RBFOX1: variants seen among roughly 807,000 people sequenced by gnomAD.
The protein encoded by RBFOX1 is RNA binding protein fox-1 homolog 1.
In RBFOX1, 8 loss-of-function variants were observed where a neutral mutation model predicts 57.7. That is an observed-to-expected ratio of 0.14 (90% CI 0.08 to 0.25). The LOEUF (loss-of-function observed/expected upper bound fraction) is 0.25, where lower values mean the gene tolerates loss of function less well. Ranked by LOEUF, RBFOX1 falls within the 10% of genes least tolerant of loss-of-function variation. The pLI, the probability that RBFOX1 is intolerant of heterozygous loss-of-function variation, is 1.00. For missense variants in RBFOX1, 611 were observed against 548.5 expected, an observed-to-expected ratio of 1.11 and a Z score of -1.14; for synonymous variants, 326 against 222.4, an observed-to-expected ratio of 1.47 and a Z score of -4.15.
At chr16:5,244,789 C>A (rs1567229550) in intron 1 of RBFOX1, among the ~76,000 whole-genome samples, 1 of 152,210 alleles carries the variant, frequency 6.6e-6, no homozygotes, top group Non-Finnish European at 1.5e-5. Flanking sequence ...GTGGACGGTC[C>A]TTTGAGAAGG....
chr16:5,947,876 C>T lies in RBFOX1; in HGVS notation c.351+80541C>T, dbSNP rs768705889. On this transcript the variant is annotated intron_variant, in intron 4 of 19. Coordinates refer to the RBFOX1 transcript ENST00000641259. The surrounding 1 kb of genome is among the most constrained non-coding windows in gnomAD (Gnocchi z 7.2). ...GTTGTAATTACCGGGCCACCCGTAA[C>T]GGGAGTTTATGTAATTATTAGTTTG... 1.1e-4 allele frequency among the ~76,000 whole-genome samples: 17 copies of T among 152,150 alleles called. No individual in the cohort carries two copies. The highest frequency in any genetic ancestry group is 2.2e-4 in the Non-Finnish European group (15 of 68,040).
At chr16:5,482,478 G>T (rs928693993) in intron 2 of RBFOX1, among the ~76,000 whole-genome samples, 1 of 152,208 alleles carries the variant, frequency 6.6e-6, no homozygotes, top group Non-Finnish European at 1.5e-5. Flanking sequence ...GACAGCCAGG[G>T]CTGCCTGGTG....
intron 4 of RBFOX1, among the ~76,000 whole-genome samples, chr16:7,258,899 T>G (rs1479470660): frequency 6.6e-6 from 1 of 152,202 alleles, no homozygotes; most frequent in African/African-American, 2.4e-5. Context: ...AAGTTTGCAG[T>G]GGTCCTCTGG....
At chr16:7,635,693 T>G (rs1459682402) in intron 11 of RBFOX1, among the ~76,000 whole-genome samples, 2 of 152,246 alleles carry the variant, frequency 1.3e-5, no homozygotes, top group South Asian at 4.1e-4. Flanking sequence ...CGTCTCCCTT[T>G]AAGCCTTTTA....
chr16:5,314,222 C>T (rs545478359), intron 1 of RBFOX1, among the ~76,000 whole-genome samples: 1 of 152,190 alleles, frequency 6.6e-6, no homozygotes, highest in Non-Finnish European at 1.5e-5. Context: ...GGAGTCTAAG[C>T]TTAGGCAACC....
At chr16:5,792,772 G>A (rs1169662852) in intron 3 of RBFOX1, among the ~76,000 whole-genome samples, 4 of 152,214 alleles carry the variant, frequency 2.6e-5, no homozygotes, top group Non-Finnish European at 5.9e-5. Context: ...GCACCCTGGA[G>A]GTGGAGGTTG....
At chr16:6,094,169 G>T (rs1257745401) in intron 1 of RBFOX1, among the ~76,000 whole-genome samples, 2 of 152,156 alleles carry the variant, frequency 1.3e-5, no homozygotes, top group African/African-American at 4.8e-5. Flanking sequence ...GGACTCATCT[G>T]TGTCAGAGGA....
chr16:7,432,703 C>G lies in RBFOX1; in HGVS notation c.28-85444C>G, dbSNP rs534028166. The stretch of plus-strand genomic sequence containing the variant: ...TACCAAAACAGATGGTTGGCTGAAT[C>G]TGGCCTATGGGCCATAGTTTGAGAG... On this transcript the variant is annotated intron_variant, in intron 4 of 15. Transcript: ENST00000550418. Among the ~76,000 whole-genome samples the G allele has an allele frequency of 7.6e-4, 116 of 152,312 alleles. 1 individual carries two copies. The highest frequency in any genetic ancestry group is 1.4e-3 in the Non-Finnish European group (98 of 68,034).
At chr16:5,593,268 A>C (rs2047068838) in intron 2 of RBFOX1, among the ~76,000 whole-genome samples, 1 of 151,696 alleles carries the variant, frequency 6.6e-6, no homozygotes, top group Non-Finnish European at 1.5e-5. Context: ...GTATGTTCTC[A>C]CTTATAAGTG....
intron 3 of RBFOX1, among the ~76,000 whole-genome samples, chr16:6,973,632 A>T (rs1054954651): frequency 2.0e-5 from 3 of 151,968 alleles, no homozygotes; most frequent in Admixed American, 1.3e-4. Flanking sequence ...TCAAAGAAAC[A>T]TTTTTTTTAA....
intron 3 of RBFOX1, among the ~76,000 whole-genome samples, chr16:5,710,870 G>A (rs2051462027): frequency 6.6e-6 from 1 of 152,220 alleles, no homozygotes; most frequent in South Asian, 2.1e-4. Context: ...GAGCCAGAAA[G>A]GGATGACGGG....
chr16:7,600,702 A>T (rs1426258690), intron 9 of RBFOX1, among the ~76,000 whole-genome samples: 1 of 152,226 alleles, frequency 6.6e-6, no homozygotes, highest in African/African-American at 2.4e-5. Flanking sequence ...CATCACCTTC[A>T]TGCATTACTT....
intron 4 of RBFOX1, among the ~76,000 whole-genome samples, chr16:7,358,265 A>G (rs1381552507): frequency 6.6e-6 from 1 of 152,240 alleles, no homozygotes; most frequent in Non-Finnish European, 1.5e-5. Flanking sequence ...CGTGACAGAG[A>G]AAGAGGGTGG....
At chr16:7,481,748 T>C (rs2063995030) in intron 4 of RBFOX1, among the ~76,000 whole-genome samples, 1 of 152,134 alleles carries the variant, frequency 6.6e-6, no homozygotes, top group African/African-American at 2.4e-5. Flanking sequence ...CCATCATAAG[T>C]AGAAAACATA....
At chr16:6,334,392 C>T (rs1484487923) in intron 2 of RBFOX1, among the ~76,000 whole-genome samples, 1 of 151,332 alleles carries the variant, frequency 6.6e-6, no homozygotes, top group Non-Finnish European at 1.5e-5. Context: ...CCTGTAGTCC[C>T]AGCTACTCAG....
chr16:5,270,548 G>C (rs980121530), intron 1 of RBFOX1: 1 of 604,056 alleles, frequency 1.7e-6, no homozygotes, highest in African/African-American at 1.9e-5. Flanking sequence ...AACTCATGTT[G>C]ATGTGAAGAC....
intron 2 of RBFOX1, among the ~76,000 whole-genome samples, chr16:6,422,224 C>G (rs377647117): frequency 1.5e-4 from 23 of 150,040 alleles, no homozygotes; most frequent in African/African-American, 5.7e-4. Flanking sequence ...GCCCGACCAC[C>G]TCTCCTTTTT....
chr16:6,293,312 T>C (rs2077669248), intron 1 of RBFOX1, among the ~76,000 whole-genome samples: 1 of 152,190 alleles, frequency 6.6e-6, no homozygotes, highest in Non-Finnish European at 1.5e-5. Context: ...TTAAGTATTA[T>C]ACCAGACAGC....
chr16:6,802,828 T>A (rs920491458), intron 3 of RBFOX1, among the ~76,000 whole-genome samples: 1 of 152,250 alleles, frequency 6.6e-6, no homozygotes, highest in African/African-American at 2.4e-5. Context: ...GAGACTTGGC[T>A]ATGAAGAATT....
Sources: gnomAD v4.1 joint callset for allele counts (sites outside exome capture counted in the v4.1 genomes callset) on GRCh38, gnomAD v4.1.1 for gene constraint, Gnocchi (gnomAD v3.1) non-coding constraint, MANE v1.5 for transcripts, NCBI Gene and HGNC (gene_info 2026-07-23, HGNC 2026-07-21) for gene names.